The following NBEA variants were observed in gnomAD, a reference collection of about 807,000 sequenced individuals.
NBEA encodes lysosomal-trafficking regulator 2.
Under a neutral mutation model 343.4 loss-of-function variants are expected in NBEA, and 44 were observed. The observed-to-expected ratio is 0.13, with a 90% CI of 0.10 to 0.16. NBEA has a LOEUF of 0.16. NBEA is among the 10% of genes least tolerant of loss of function. The pLI, the probability that NBEA is intolerant of heterozygous loss-of-function variation, is 1.00. For missense variants in NBEA, 2,555 were observed against 3,631.3 expected (o/e 0.70, Z 7.62); for synonymous variants, 1,175 against 1,238.7 (o/e 0.95, Z 1.08).
At chr13:35,472,222 A>C (rs2075682225) in intron 40 of NBEA, among the ~76,000 whole-genome samples, 178 bp from the exon 41 acceptor site, 1 of 152,232 alleles carries the variant, frequency 6.6e-6, no homozygotes, top group African/African-American at 2.4e-5. Flanking sequence ...GTCTCGTTAT[A>C]AGGTAATGTA....
intron 34 of NBEA, among the ~76,000 whole-genome samples, chr13:35,273,790 T>TA (rs747928294): frequency 1.5e-4 from 23 of 152,144 alleles, no homozygotes; most frequent in Non-Finnish European, 2.9e-4. Context: ...CCTGGACACA[T>TA]ACACCCTCCC....
intron 39 of NBEA, among the ~76,000 whole-genome samples, chr13:35,442,258 T>A (rs2045781837): frequency 6.6e-6 from 1 of 152,186 alleles, no homozygotes; most frequent in African/African-American, 2.4e-5. Flanking sequence ...AGATGAATAG[T>A]GCATCATCTC....
At chr13:35,606,888 A>G (rs985280066) in intron 48 of NBEA, among the ~76,000 whole-genome samples, 5 of 152,186 alleles carry the variant, frequency 3.3e-5, no homozygotes, top group African/African-American at 1.2e-4. Flanking sequence ...CTTAAAATAA[A>G]TGCCTATTTC....
At chr13:34,987,546 G>T (rs1173298353) in intron 1 of NBEA, among the ~76,000 whole-genome samples, 3 of 150,960 alleles carry the variant, frequency 2.0e-5, no homozygotes, top group African/African-American at 7.2e-5. Context: ...GGCCTGTCTT[G>T]CTGGGTTGGG....
In NBEA at chr13:35,588,415, A is replaced by G. The variant is rs137975893; in HGVS notation, c.7176+4377A>G. Among the ~76,000 whole-genome samples the G allele has an allele frequency of 2.4e-4, 36 of 151,120 alleles. No individual in the cohort carries two copies. In the East Asian group the frequency reaches 7.0e-3, roughly 29 times the overall value. ...AAGAATTTGTTCACAAAAATAAAAT[A>G]CACATTAAAATAAGTGTCTGTCCTT... On this transcript the variant is annotated intron_variant, in intron 46 of 58. Coordinates refer to ENST00000379939, the MANE Select transcript of NBEA (RefSeq NM_001385012.1).
intron 1 of NBEA, among the ~76,000 whole-genome samples, chr13:35,011,124 C>G (rs2061483256): frequency 1.3e-5 from 2 of 151,782 alleles, no homozygotes; most frequent in South Asian, 4.2e-4. Flanking sequence ...TCTGTATAGT[C>G]CTGAGGGTAG....
At chr13:35,385,033 C>T (rs1391506778) in intron 38 of NBEA, among the ~76,000 whole-genome samples, 1 of 152,188 alleles carries the variant, frequency 6.6e-6, no homozygotes, top group African/African-American at 2.4e-5. Context: ...CTCAGATGTC[C>T]TGTGTTTTAA....
chr13:35,481,260 G>C (rs1394274228), intron 41 of NBEA, among the ~76,000 whole-genome samples: 6 of 151,800 alleles, frequency 4.0e-5, no homozygotes. Context: ...AATGGAAGTT[G>C]GGAGTATACT....
At chr13:35,251,213 G>A (rs1254426277) in intron 34 of NBEA, 3 of 265,202 alleles carry the variant, frequency 1.1e-5, no homozygotes, top group East Asian at 1.1e-4. Flanking sequence ...CATCCCATGG[G>A]TACAGAAACC....
chr13:35,232,654 T>A, intron 34 of NBEA, 35 bp downstream of exon 34: 1 of 1,392,414 alleles, frequency 7.2e-7, no homozygotes, highest in Non-Finnish European at 9.6e-7. Flanking sequence ...TTTAGTTTCC[T>A]ATAATGTATG....
intron 33 of NBEA, among the ~76,000 whole-genome samples, chr13:35,225,705 C>T (rs2074615805): frequency 6.6e-6 from 1 of 151,966 alleles, no homozygotes; most frequent in Non-Finnish European, 1.5e-5. Flanking sequence ...TTTTTTCTTG[C>T]CAGCTTAATG....
intron 41 of NBEA, among the ~76,000 whole-genome samples, chr13:35,538,097 C>T (rs564742042): frequency 1.3e-5 from 2 of 152,270 alleles, no homozygotes; most frequent in East Asian, 1.9e-4. Context: ...AGCTACCCTA[C>T]TTAGATAACC....
intron 38 of NBEA, among the ~76,000 whole-genome samples, chr13:35,395,956 C>G (rs2042724912): frequency 6.6e-6 from 1 of 152,160 alleles, no homozygotes. Context: ...CATAGCTACT[C>G]TGGCATCTTA....
chr13:35,185,238 C>T (rs2071610971), intron 30 of NBEA: 2 of 152,290 alleles, frequency 1.3e-5, no homozygotes, highest in African/African-American at 4.8e-5. Flanking sequence ...TTTAGTCCTA[C>T]AGCAGGAAGG....
intron 1 of NBEA, among the ~76,000 whole-genome samples, chr13:35,029,153 A>G (rs992201437): frequency 6.6e-6 from 1 of 151,522 alleles, no homozygotes; most frequent in African/African-American, 2.4e-5. Context: ...TGAGGGCACA[A>G]ACAATTAGTC....
In NBEA at chr13:35,310,970, T is replaced by C. The variant is rs190397637; in HGVS notation, c.5903+1378T>C. On this transcript the variant is annotated intron_variant, in intron 36 of 58. Transcript: ENST00000379939. ...TATTTTGAGAAATATCTTCTGTTTT[T>C]ATAACAATTTATCTTATTTTATATT... Among the ~76,000 whole-genome samples, 843 of 152,316 alleles carry C rather than the reference T, an allele frequency of 5.5e-3. 10 individuals are homozygous for C. Among genetic ancestry groups the C allele is most frequent in the African/African-American group, 0.019 (803 of 41,572 alleles).
At chr13:34,956,157 G>A (rs887113658) in intron 1 of NBEA, among the ~76,000 whole-genome samples, 3 of 152,084 alleles carry the variant, frequency 2.0e-5, no homozygotes, top group African/African-American at 7.2e-5. Context: ...GAAAAAAGAC[G>A]ACTTTAATTT....
intron 32 of NBEA, 139 bp from the exon 33 acceptor site, chr13:35,210,914 A>G (rs2073730539): frequency 1.3e-6 from 1 of 790,674 alleles, no homozygotes; most frequent in African/African-American, 1.8e-5. Flanking sequence ...CATACTTACT[A>G]ATGGCCAAAT....
chr13:35,596,095 CGTGTGTGTGCAT>C (rs2081786709), intron 47 of NBEA, among the ~76,000 whole-genome samples: 1 of 151,004 alleles, frequency 6.6e-6, no homozygotes. Flanking sequence ...TGTGCGTGTG[CGTGTGTGTGCAT>C]GTGTGTGTGT....
Sources: allele counts gnomAD v4.1 joint callset (sites outside exome capture counted in the v4.1 genomes callset), GRCh38; gene constraint gnomAD v4.1.1; transcripts MANE v1.5; gene names NCBI Gene and HGNC (gene_info 2026-07-23, HGNC 2026-07-21).